LUZP2: variants seen among roughly 807,000 people sequenced by gnomAD.
LUZP2 encodes leucine zipper protein 2.
A neutral mutation model predicts 51.6 loss-of-function variants in LUZP2; 52 were observed. The ratio of observed to expected loss-of-function variants is 1.01; its 90% CI spans 0.81 to 1.27. The LOEUF (loss-of-function observed/expected upper bound fraction) is 1.27, where lower values mean the gene tolerates loss of function less well. Ranked by LOEUF, LUZP2 falls within the 50% of genes most tolerant of loss-of-function variation. LUZP2 has a pLI of 0.00. For missense variants in LUZP2, 436 were observed against 395.4 expected, an observed-to-expected ratio of 1.10 and a Z score of -0.87; for synonymous variants, 154 against 137.3, an observed-to-expected ratio of 1.12 and a Z score of -0.85.
At chr11:24,529,426 C>A (rs2133820564) in intron 1 of LUZP2, among the ~76,000 whole-genome samples, 1 of 150,992 alleles carries the variant, frequency 6.6e-6, no homozygotes, top group East Asian at 1.9e-4. Flanking sequence ...TCATGGTCCT[C>A]CTGAAAGTGC....
At chr11:25,064,266 A>G (rs1590890248) in intron 10 of LUZP2, among the ~76,000 whole-genome samples, 2 of 152,082 alleles carry the variant, frequency 1.3e-5, no homozygotes, top group East Asian at 3.9e-4. Context: ...TATTTAAAAC[A>G]CCATTAATAT....
chr11:24,534,925 C>T (rs1381452412), intron 1 of LUZP2, among the ~76,000 whole-genome samples: 3 of 151,272 alleles, frequency 2.0e-5, no homozygotes, highest in Non-Finnish European at 4.4e-5. Context: ...TAGAGATTTT[C>T]CACCATAAAC....
At chr11:24,989,820 A>G (rs1856284485) in intron 9 of LUZP2, among the ~76,000 whole-genome samples, 1 of 152,152 alleles carries the variant, frequency 6.6e-6, no homozygotes. Flanking sequence ...ACGTCATCCA[A>G]CTAATAGAAA....
Position 24,831,491 on chromosome 11 carries a change from A to T in LUZP2, c.396+68183A>T, listed in dbSNP as rs780268444. Among the ~76,000 whole-genome samples the T allele has an allele frequency of 1.8e-4, 27 of 152,348 alleles. 1 individual carries two copies. The highest frequency in any genetic ancestry group is 6.5e-4 in the African/African-American group (27 of 41,586). ...AGGAGCTTTGAAAGAAGGTACAGGC[A>T]GTATAGTACAAATAATCTTTAAAAA... On this transcript the variant is annotated intron_variant, in intron 5 of 11. Coordinates refer to ENST00000336930, the MANE Select transcript of LUZP2 (RefSeq NM_001009909.4).
At chr11:24,928,417 G>A (rs2133829810) in intron 7 of LUZP2, among the ~76,000 whole-genome samples, 1 of 152,022 alleles carries the variant, frequency 6.6e-6, no homozygotes, top group Admixed American at 6.5e-5. Flanking sequence ...TGCTGATTTT[G>A]CTTAGGGTTA....
rs543869220 is a variant in LUZP2 at position 24,690,567 on chromosome 11, CTGATATCCTTCAAAGT to C, written c.63-38599_63-38584del. 4.1e-3 allele frequency among the ~76,000 whole-genome samples: 617 copies of C among 152,236 alleles called. 2 individuals carry two copies. The highest frequency in any genetic ancestry group is 7.3e-3 in the Non-Finnish European group (497 of 67,988). The stretch of plus-strand genomic sequence containing the variant: ...GTTAAGATTACAATTTATTTCCACT[CTGATATCCTTCAAAGT>C]TGCTTCCTTTTGTGTCTAATATTAT... On this transcript the variant is annotated intron_variant, in intron 1 of 11. Coordinates refer to ENST00000336930, the MANE Select transcript of LUZP2 (RefSeq NM_001009909.4).
At chr11:24,828,555 G>A (rs1166270780) in intron 5 of LUZP2, among the ~76,000 whole-genome samples, 8 of 29,692 alleles carry the variant, frequency 2.7e-4, no homozygotes, top group African/African-American at 6.1e-4. Context: ...CATCCCTGTG[G>A]CAGAAAAAAA....
At position 24,897,438 on chromosome 11, in the gene LUZP2, T is replaced by C. The variant is rs531737837; in HGVS notation, c.397-8553T>C. On this transcript the variant is annotated intron_variant, in intron 5 of 11. Transcript: ENST00000336930. ...TCATTGCGAAGGTCCACAGCTTAAC[T>C]TCTGAGGCCAGCGAAACCATGAACC... 3.9e-5 allele frequency among the ~76,000 whole-genome samples: 6 copies of C among 152,180 alleles called. No homozygotes were observed. The South Asian group carries it at 1.2e-3, about 32-fold the overall frequency.
chr11:25,004,008 G>C (rs1856765815), intron 9 of LUZP2, among the ~76,000 whole-genome samples: 1 of 152,192 alleles, frequency 6.6e-6, no homozygotes, highest in Non-Finnish European at 1.5e-5. Context: ...CAGTTGTCCA[G>C]GACAGGAGAT....
At chr11:24,846,916 C>T (rs938179344) in intron 5 of LUZP2, among the ~76,000 whole-genome samples, 3 of 151,526 alleles carry the variant, frequency 2.0e-5, no homozygotes, top group African/African-American at 4.8e-5. Context: ...CATGTATATA[C>T]ACATACATAT....
At chr11:24,914,141 T>A (rs931768669) in intron 6 of LUZP2, among the ~76,000 whole-genome samples, 1 of 152,182 alleles carries the variant, frequency 6.6e-6, no homozygotes, top group East Asian at 1.9e-4. Flanking sequence ...GAGGCATGCA[T>A]ATGTACAGAT....
At chr11:25,004,730 T>G (rs1169394217) in intron 9 of LUZP2, among the ~76,000 whole-genome samples, 2 of 152,158 alleles carry the variant, frequency 1.3e-5, no homozygotes, top group African/African-American at 4.8e-5. Flanking sequence ...TCCTTAGTCC[T>G]TCTAGAACAC....
intron 9 of LUZP2, among the ~76,000 whole-genome samples, chr11:24,992,648 T>C (rs1386753348): frequency 6.6e-6 from 1 of 152,112 alleles, no homozygotes; most frequent in Non-Finnish European, 1.5e-5. Flanking sequence ...CCAGGAAGCA[T>C]TGCTCCCAAT....
chr11:25,038,929 A>G (rs989055670), intron 9 of LUZP2, among the ~76,000 whole-genome samples: 3 of 152,134 alleles, frequency 2.0e-5, no homozygotes, highest in African/African-American at 4.8e-5. Context: ...TTTTGGTGCT[A>G]TATTTGGACT....
intron 1 of LUZP2, among the ~76,000 whole-genome samples, chr11:24,678,666 G>A (rs186101735): frequency 2.0e-5 from 3 of 152,224 alleles, no homozygotes; most frequent in African/African-American, 2.4e-5. Context: ...TGACATTAAA[G>A]CAGGTCCTTA....
chr11:25,001,907 T>G (rs1041654605), intron 9 of LUZP2, among the ~76,000 whole-genome samples: 1 of 152,150 alleles, frequency 6.6e-6, no homozygotes, highest in Non-Finnish European at 1.5e-5. Flanking sequence ...GCCAGCTGCT[T>G]GTACTGCTGT....
intron 1 of LUZP2, among the ~76,000 whole-genome samples, chr11:24,517,375 A>G (rs966997190): frequency 6.8e-6 from 1 of 147,844 alleles, no homozygotes; most frequent in East Asian, 2.1e-4. Context: ...AGTCCCAGCT[A>G]CTCGGGAGGC....
intron 1 of LUZP2, among the ~76,000 whole-genome samples, chr11:24,653,870 T>C (rs1365979064): frequency 6.6e-6 from 1 of 152,196 alleles, no homozygotes; most frequent in African/African-American, 2.4e-5. Context: ...CCATTGGTTT[T>C]AGTAGTCAAG....
At chr11:24,773,346 A>G (rs983500725) in intron 5 of LUZP2, among the ~76,000 whole-genome samples, 4 of 152,288 alleles carry the variant, frequency 2.6e-5, no homozygotes, top group African/African-American at 9.6e-5. Context: ...CGAGAAGTAC[A>G]GATCTCCTTG....
Sources: allele counts gnomAD v4.1 joint callset (sites outside exome capture counted in the v4.1 genomes callset), GRCh38; gene constraint gnomAD v4.1.1; transcripts MANE v1.5; gene names NCBI Gene and HGNC (gene_info 2026-07-23, HGNC 2026-07-21).